Variants in TENM4 observed in about 807,000 individuals in gnomAD.
TENM4 encodes teneurin-4.
A neutral mutation model predicts 243.3 loss-of-function variants in TENM4; 82 were observed. That is an observed-to-expected ratio of 0.34 (90% confidence interval 0.28 to 0.40). The LOEUF is 0.40. Among genes scored for constraint, TENM4 ranks in the 10% least tolerant of loss-of-function variants. The pLI is 1.00. For synonymous variants in TENM4, 1,412 were observed against 1,456.3 expected (o/e 0.97, Z 0.69); for missense variants, 3,138 against 3,673.3 (o/e 0.85, Z 3.77).
At chr11:78,716,391 C>T (rs564116788) in intron 25 of TENM4, among the ~76,000 whole-genome samples, 170 of 152,282 alleles carry the variant, frequency 1.1e-3, no homozygotes, top group African/African-American at 3.9e-3. Flanking sequence ...ATCTGTAGCA[C>T]CAATTAAACT....
chr11:78,842,669 G>A (rs1003763733), intron 12 of TENM4, among the ~76,000 whole-genome samples: 4 of 152,214 alleles, frequency 2.6e-5, no homozygotes, highest in African/African-American at 9.6e-5. Flanking sequence ...GACATACCAG[G>A]CACTCACACA....
intron 12 of TENM4, among the ~76,000 whole-genome samples, chr11:78,841,048 A>G (rs1858247108): frequency 6.6e-6 from 1 of 152,202 alleles, no homozygotes; most frequent in Non-Finnish European, 1.5e-5. Context: ...ATGTTAGTGC[A>G]TGTTACTGCC....
intron 6 of TENM4, among the ~76,000 whole-genome samples, chr11:78,936,743 A>T (rs1856793631): frequency 6.6e-6 from 1 of 152,228 alleles, no homozygotes; most frequent in Non-Finnish European, 1.5e-5. Context: ...ATGAACTAAA[A>T]TAAAATAGTG....
chr11:78,894,231 C>T (rs1020140179), intron 7 of TENM4, among the ~76,000 whole-genome samples: 6 of 152,284 alleles, frequency 3.9e-5, no homozygotes, highest in Admixed American at 2.0e-4. Context: ...GGAAGAACTC[C>T]TGCTGCCCCC....
At chr11:79,174,081 ACC>A (rs1863108143) in intron 3 of TENM4, among the ~76,000 whole-genome samples, 1 of 152,208 alleles carries the variant, frequency 6.6e-6, no homozygotes, top group South Asian at 2.1e-4. Flanking sequence ...AAGCTTTTTA[ACC>A]CCCTGGGGAA....
In TENM4 at chr11:78,805,277, T is replaced by TCCCCACCCACCACACCC; in HGVS notation, c.2179+14_2179+15insGGGTGTGGTGGGTGGGG. The TCCCCACCCACCACACCC allele has an allele frequency of 1.8e-5, 25 of 1,402,538 alleles. No homozygotes were observed. Among genetic ancestry groups the TCCCCACCCACCACACCC allele is most frequent in the Non-Finnish European group, 2.2e-5 (23 of 1,033,108 alleles). 86.9% of individuals were successfully genotyped at this position (1,402,538 alleles called of 1,614,324 possible). A position where few individuals can be genotyped will look rare whatever the true frequency, so the allele number is the denominator to read the frequency against. On this transcript the variant is annotated intron_variant, in intron 15 of 33. Coordinates refer to ENST00000278550, the MANE Select transcript of TENM4 (RefSeq NM_001098816.3). Reference sequence around the variant, plus strand: ...CCCCTCCCTCTACCCATGCTTCTTCTCCCCCTGCATTTACCGATAGAACAG... The same window carrying TCCCCACCCACCACACCC: ...CCCCTCCCTCTACCCATGCTTCTTCTCCCCACCCACCACACCCCCCCCTGCATTTACCGATAGAACAG...
At chr11:78,787,366 G>A (rs1265444610) in intron 15 of TENM4, among the ~76,000 whole-genome samples, 1 of 152,206 alleles carries the variant, frequency 6.6e-6, no homozygotes, top group African/African-American at 2.4e-5. Context: ...GGATTGTAGG[G>A]CTCTGCTCAA....
intron 4 of TENM4, among the ~76,000 whole-genome samples, chr11:79,098,642 C>T (rs1327108005): frequency 6.6e-6 from 1 of 152,204 alleles, no homozygotes; most frequent in Non-Finnish European, 1.5e-5. Flanking sequence ...ACAAGGCTTG[C>T]AGACGAAAAG....
At chr11:78,668,825 A>ACC in intron 32 of TENM4, 112 bp downstream of exon 32, 1 of 1,346,704 alleles carries the variant, frequency 7.4e-7, no homozygotes, top group Non-Finnish European at 1.0e-6. Flanking sequence ...GCTCTAAGAG[A>ACC]AAGTCAGTGT....
intron 6 of TENM4, among the ~76,000 whole-genome samples, chr11:79,004,302 T>G (rs533675017): frequency 3.3e-5 from 5 of 152,182 alleles, no homozygotes; most frequent in African/African-American, 4.8e-5. Flanking sequence ...CTAACAGATA[T>G]CTACAGAACT....
chr11:79,398,734 CT>C (rs1239260347), intron 1 of TENM4, among the ~76,000 whole-genome samples: 2 of 96,480 alleles, frequency 2.1e-5, no homozygotes, highest in African/African-American at 8.4e-5. Flanking sequence ...TAGTCAGATG[CT>C]TTAAAAAAAA....
intron 2 of TENM4, among the ~76,000 whole-genome samples, chr11:79,220,055 T>C (rs1350734879): frequency 6.6e-6 from 1 of 152,030 alleles, no homozygotes; most frequent in East Asian, 1.9e-4. Context: ...CGGGAGAAAA[T>C]CTTCTGGATA....
chr11:79,008,872 A>G (rs1328987587), intron 6 of TENM4, among the ~76,000 whole-genome samples: 2 of 152,232 alleles, frequency 1.3e-5, no homozygotes, highest in Non-Finnish European at 2.9e-5. Flanking sequence ...TCACATTTCC[A>G]TCCACCCTCC....
intron 19 of TENM4, among the ~76,000 whole-genome samples, chr11:78,753,120 C>T (rs568847042): frequency 5.8e-4 from 89 of 152,304 alleles, no homozygotes; most frequent in African/African-American, 2.1e-3. Context: ...GTGGATGCAA[C>T]AGCCTTTTAA....
chr11:79,262,825 A>G (rs1204475072), intron 2 of TENM4, among the ~76,000 whole-genome samples: 4 of 152,196 alleles, frequency 2.6e-5, no homozygotes, highest in African/African-American at 7.2e-5. Context: ...GGATAATGAC[A>G]ATTACATGGG....
At chr11:79,378,718 TA>T (rs1565321923) in intron 1 of TENM4, among the ~76,000 whole-genome samples, 1 of 151,496 alleles carries the variant, frequency 6.6e-6, no homozygotes, top group East Asian at 1.9e-4. Flanking sequence ...AAAATATGGA[TA>T]ATAGAAAGAA....
At chr11:78,954,559 A>G (rs1309143991) in intron 6 of TENM4, among the ~76,000 whole-genome samples, 1 of 152,184 alleles carries the variant, frequency 6.6e-6, no homozygotes, top group African/African-American at 2.4e-5. Flanking sequence ...TAATGCAGAG[A>G]GGCAAATCTC....
At chr11:78,743,866 T>C (rs1347585452) in intron 19 of TENM4, among the ~76,000 whole-genome samples, 1 of 152,214 alleles carries the variant, frequency 6.6e-6, no homozygotes, top group African/African-American at 2.4e-5. Flanking sequence ...AGCAGCTACT[T>C]TGGTATTCAG....
intron 6 of TENM4, among the ~76,000 whole-genome samples, chr11:78,933,521 C>A (rs888661100): frequency 6.6e-6 from 1 of 152,200 alleles, no homozygotes; most frequent in Non-Finnish European, 1.5e-5. Context: ...CTGCTTGTAA[C>A]TTTTATTCAG....
Sources: allele counts gnomAD v4.1 joint callset (sites outside exome capture counted in the v4.1 genomes callset), GRCh38; gene constraint gnomAD v4.1.1; transcripts MANE v1.5; gene names NCBI Gene and HGNC (gene_info 2026-07-23, HGNC 2026-07-21).